The following PTPRM variants were observed in gnomAD, a reference collection of about 807,000 sequenced individuals.
PTPRM encodes protein tyrosine phosphatase receptor type M.
In PTPRM, 47 loss-of-function variants were observed where a neutral mutation model predicts 186.7. The ratio of observed to expected loss-of-function variants is 0.25; its 90% CI spans 0.20 to 0.32. PTPRM has a LOEUF of 0.32. Among genes scored for constraint, PTPRM ranks in the 10% least tolerant of loss-of-function variants. PTPRM has a pLI of 1.00. For synonymous variants in PTPRM, 668 were observed against 674.9 expected (o/e 0.99, Z 0.16); for missense variants, 1,494 against 1,865.0 (o/e 0.80, Z 3.66).
intron 7 of PTPRM, among the ~76,000 whole-genome samples, chr18:7,975,501 G>C (rs146339767): frequency 7.2e-4 from 110 of 152,260 alleles, no homozygotes; most frequent in African/African-American, 2.6e-3. Flanking sequence ...TGCCAATATG[G>C]TAATGCTACA....
At chr18:8,254,916 G>T (rs1199171296) in intron 19 of PTPRM, among the ~76,000 whole-genome samples, 1 of 152,216 alleles carries the variant, frequency 6.6e-6, no homozygotes, top group Non-Finnish European at 1.5e-5. Flanking sequence ...CAGTTCAGAA[G>T]ACTGTGAAGC....
Position 8,292,021 on chromosome 18 carries a change from C to A in PTPRM, c.2755-4347C>A, listed in dbSNP as rs374693726. 2.0e-5 allele frequency among the ~76,000 whole-genome samples: 3 copies of A among 152,260 alleles called. No individual in the cohort carries two copies. The East Asian group carries it at 5.8e-4, about 29-fold the overall frequency. On this transcript the variant is annotated intron_variant, in intron 19 of 32. Coordinates refer to ENST00000580170, the MANE Select transcript of PTPRM (RefSeq NM_001105244.2). ...ATGAAGCAGTATTCTAAGGCACTGA[C>A]GGCAGTGTTCCTATCCCAGTTACTG...
chr18:7,681,515 G>A (rs1000237147), intron 1 of PTPRM, among the ~76,000 whole-genome samples: 10 of 151,680 alleles, frequency 6.6e-5, no homozygotes, highest in African/African-American at 1.9e-4. Context: ...GCATCAGTTC[G>A]TTGATGTGTA....
intron 7 of PTPRM, among the ~76,000 whole-genome samples, chr18:8,011,551 G>A (rs1168910845): frequency 6.6e-6 from 1 of 152,090 alleles, no homozygotes; most frequent in African/African-American, 2.4e-5. Flanking sequence ...GTCACCCTTT[G>A]CCCAAAGCAA....
In PTPRM at chr18:7,668,713, T is replaced by G. The variant is rs1381868468; in HGVS notation, c.73+100822T>G. 6.6e-6 allele frequency among the ~76,000 whole-genome samples: 1 copy of G among 152,100 alleles called. No individual in the cohort carries two copies. The highest frequency in any genetic ancestry group is 1.5e-5 in the Non-Finnish European group (1 of 68,022). ...GGCTGTAATGGCTGCTTTCTCACCT[T>G]CTTAGGTCCTAGTGTCAACTTCTCA... On this transcript the variant is annotated intron_variant, in intron 1 of 32. Transcript: ENST00000580170. This position sits in a 1 kb window ranked among gnomAD's most constrained non-coding sequence, Gnocchi z 4.7.
chr18:7,982,798 A>G (rs762174807), intron 7 of PTPRM, among the ~76,000 whole-genome samples: 20 of 152,026 alleles, frequency 1.3e-4, no homozygotes, highest in African/African-American at 4.6e-4. Flanking sequence ...GCATACTCCT[A>G]TGGGATGACA....
chr18:7,647,168 T>G (rs774835135), intron 1 of PTPRM, among the ~76,000 whole-genome samples: 3 of 152,134 alleles, frequency 2.0e-5, no homozygotes, highest in Non-Finnish European at 4.4e-5. Flanking sequence ...AGATGCACAC[T>G]GAGGGTAAAC....
At chr18:7,979,013 G>C (rs978660514) in intron 7 of PTPRM, among the ~76,000 whole-genome samples, 1 of 152,130 alleles carries the variant, frequency 6.6e-6, no homozygotes, top group African/African-American at 2.4e-5. Context: ...AAAGAAAATT[G>C]AATGTTGCCT....
Position 8,234,053 on chromosome 18 carries a change from A to G in PTPRM, c.2301-10005A>G, listed in dbSNP as rs181398959. ...TTTATAGTAAGTCTGGAAGTCAGGT[A>G]GTATCAATCTTCCAACTTTTTTCTA... On this transcript the variant is annotated intron_variant, in intron 14 of 32. Transcript: ENST00000580170. Among the ~76,000 whole-genome samples the G allele has an allele frequency of 7.9e-5, 12 of 152,338 alleles. No individual in the cohort carries two copies. The East Asian group carries it at 1.3e-3, about 17-fold the overall frequency.
chr18:7,594,714 G>T (rs866677947), intron 1 of PTPRM, among the ~76,000 whole-genome samples: 1 of 152,128 alleles, frequency 6.6e-6, no homozygotes, highest in Non-Finnish European at 1.5e-5. Context: ...AACAGAATGG[G>T]TGATGCTCTT....
At chr18:8,108,476 A>G (rs900490667) in intron 11 of PTPRM, among the ~76,000 whole-genome samples, 1 of 152,188 alleles carries the variant, frequency 6.6e-6, no homozygotes, top group African/African-American at 2.4e-5. Context: ...TGGATTTACA[A>G]CTCATCTTGA....
intron 19 of PTPRM, among the ~76,000 whole-genome samples, chr18:8,258,448 A>C (rs1258615034): frequency 6.6e-6 from 1 of 151,914 alleles, no homozygotes; most frequent in Non-Finnish European, 1.5e-5. Context: ...GGTGTGTTGC[A>C]CCCCTTGTAA....
chr18:8,173,016 T>C (rs922958511), intron 14 of PTPRM, among the ~76,000 whole-genome samples: 2 of 152,248 alleles, frequency 1.3e-5, no homozygotes, highest in Non-Finnish European at 2.9e-5. Flanking sequence ...AATAAGGAAC[T>C]GTACTCAGTT....
At chr18:7,874,540 T>C (rs2048135094) in intron 2 of PTPRM, among the ~76,000 whole-genome samples, 1 of 151,540 alleles carries the variant, frequency 6.6e-6, no homozygotes, top group Non-Finnish European at 1.5e-5. Context: ...AAAGTGGTTA[T>C]GCTAGAGGCA....
intron 7 of PTPRM, among the ~76,000 whole-genome samples, chr18:7,979,986 G>A (rs1336041475): frequency 6.6e-6 from 1 of 152,186 alleles, no homozygotes; most frequent in Non-Finnish European, 1.5e-5. Flanking sequence ...CTCTGGGCAT[G>A]CTGGCTCCTG....
At chr18:7,795,540 A>G (rs2043585740) in intron 2 of PTPRM, among the ~76,000 whole-genome samples, 1 of 151,022 alleles carries the variant, frequency 6.6e-6, no homozygotes, top group South Asian at 2.1e-4. Flanking sequence ...ACTCTTTGTT[A>G]TGTCTTTGTT....
At chr18:7,716,416 C>T (rs981269753) in intron 1 of PTPRM, among the ~76,000 whole-genome samples, 1 of 152,144 alleles carries the variant, frequency 6.6e-6, no homozygotes, top group African/African-American at 2.4e-5. Context: ...CCATTCAGGA[C>T]AGAGGCATGG....
intron 1 of PTPRM, among the ~76,000 whole-genome samples, chr18:7,714,618 C>A (rs2040284222): frequency 6.6e-6 from 1 of 152,088 alleles, no homozygotes; most frequent in African/African-American, 2.4e-5. Flanking sequence ...AGATAGACCA[C>A]TAGCCAGACT....
intron 14 of PTPRM, among the ~76,000 whole-genome samples, chr18:8,231,616 G>T (rs2094287524): frequency 6.6e-6 from 1 of 151,852 alleles, no homozygotes; most frequent in African/African-American, 2.4e-5. Context: ...TTTTACTGTA[G>T]AAAAGAAATA....
Sources: allele counts gnomAD v4.1 joint callset (sites outside exome capture counted in the v4.1 genomes callset), GRCh38; gene constraint gnomAD v4.1.1; non-coding constraint Gnocchi (gnomAD v3.1); transcripts MANE v1.5; gene names NCBI Gene and HGNC (gene_info 2026-07-23, HGNC 2026-07-21).